ANKRD6: variants seen among roughly 807,000 people sequenced by gnomAD.
ANKRD6 encodes ankyrin repeat domain 6, also known as ankyrin repeat domain-containing protein 6.
Under a neutral mutation model 82.3 loss-of-function variants are expected in ANKRD6, and 56 were observed. The ratio of observed to expected loss-of-function variants is 0.68; its 90% CI spans 0.55 to 0.85. The LOEUF is 0.85. ANKRD6 is among the 40% of genes least tolerant of loss of function. ANKRD6 has a pLI of 0.00. For missense variants in ANKRD6, 852 were observed against 907.6 expected (o/e 0.94, Z 0.79); for synonymous variants, 347 against 352.1 (o/e 0.99, Z 0.16).
intron 14 of ANKRD6, 113 bp downstream of exon 14, chr6:89,627,809 CATT>C: frequency 1.3e-6 from 1 of 775,136 alleles, no homozygotes; most frequent in Non-Finnish European, 2.1e-6. Flanking sequence ...AGAGCTTTTA[CATT>C]ATATAGTGTA....
At chr6:89,477,143 A>G (rs910903303) in intron 1 of ANKRD6, among the ~76,000 whole-genome samples, 1 of 151,888 alleles carries the variant, frequency 6.6e-6, no homozygotes, top group African/African-American at 2.4e-5. Context: ...ACGGGGTTTC[A>G]CCGTATTAGC....
chr6:89,612,179 T>C (rs941311561), intron 5 of ANKRD6, 93 bp from the exon 6 acceptor site: 30 of 1,148,072 alleles, frequency 2.6e-5, no homozygotes, highest in Non-Finnish European at 3.7e-5. Flanking sequence ...CGTTGCCTTT[T>C]CCCCCGAGTA....
intron 1 of ANKRD6, among the ~76,000 whole-genome samples, chr6:89,485,409 T>C (rs911888868): frequency 3.9e-5 from 6 of 152,226 alleles, no homozygotes; most frequent in African/African-American, 1.4e-4. Flanking sequence ...AATACTGATA[T>C]GGCTCAAAAG....
At chr6:89,578,420 T>C (rs1248543694) in intron 2 of ANKRD6, among the ~76,000 whole-genome samples, 1 of 151,502 alleles carries the variant, frequency 6.6e-6, no homozygotes, top group South Asian at 2.1e-4. Flanking sequence ...CTCAGCCTCT[T>C]GAGTAGCTGG....
At chr6:89,567,834 C>T (rs1050580409) in intron 2 of ANKRD6, among the ~76,000 whole-genome samples, 5 of 152,096 alleles carry the variant, frequency 3.3e-5, no homozygotes, top group Admixed American at 2.0e-4. Flanking sequence ...GTCCAGGGTC[C>T]CTCAGCCGCT....
At chr6:89,627,882 C>T (rs1040341598) in intron 14 of ANKRD6, among the ~76,000 whole-genome samples, 186 bp downstream of exon 14, 29 of 152,142 alleles carry the variant, frequency 1.9e-4, no homozygotes, top group African/African-American at 6.8e-4. Context: ...TGTTTATGTC[C>T]GTGGCTGAAT....
intron 8 of ANKRD6, 62 bp downstream of exon 8, chr6:89,616,719 G>C (rs975042588): frequency 6.7e-7 from 1 of 1,496,706 alleles, no homozygotes; most frequent in Admixed American, 1.7e-5. Flanking sequence ...AATGGGATGT[G>C]TACTAAACCC....
At chr6:89,595,073 G>A (rs1218989653) in intron 2 of ANKRD6, among the ~76,000 whole-genome samples, 3 of 152,106 alleles carry the variant, frequency 2.0e-5, no homozygotes, top group Non-Finnish European at 4.4e-5. Context: ...TTTAAAAAGA[G>A]GAAGAACCGG....
At chr6:89,555,350 G>C (rs1426946087) in intron 1 of ANKRD6, among the ~76,000 whole-genome samples, 3 of 151,980 alleles carry the variant, frequency 2.0e-5, no homozygotes, top group Admixed American at 6.6e-5. Flanking sequence ...GTATTACAGT[G>C]AGATTTTAAA....
intron 9 of ANKRD6, among the ~76,000 whole-genome samples, chr6:89,620,737 A>G (rs577879943): frequency 6.4e-4 from 98 of 152,264 alleles, no homozygotes; most frequent in Non-Finnish European, 1.2e-3. Context: ...GTGAATCCCA[A>G]CGACTCCCCG....
chr6:89,612,132 C>A, intron 5 of ANKRD6, 140 bp from the exon 6 acceptor site: 1 of 656,364 alleles, frequency 1.5e-6, no homozygotes, highest in Non-Finnish European at 2.6e-6. Context: ...TGAAGCATCC[C>A]CACTGAAACC....
chr6:89,496,723 CA>C (rs1778671227), intron 1 of ANKRD6, among the ~76,000 whole-genome samples: 1 of 152,068 alleles, frequency 6.6e-6, no homozygotes, highest in Non-Finnish European at 1.5e-5. Flanking sequence ...GGGGTTTTGC[CA>C]TGTTGGCCAG....
At chr6:89,462,003 G>T (rs1774208791) in intron 1 of ANKRD6, among the ~76,000 whole-genome samples, 1 of 152,066 alleles carries the variant, frequency 6.6e-6, no homozygotes, top group Admixed American at 6.6e-5. Flanking sequence ...AGGCCAAGGT[G>T]GGCGGATCAC....
intron 1 of ANKRD6, among the ~76,000 whole-genome samples, chr6:89,556,567 T>A (rs1390822256): frequency 6.6e-6 from 1 of 152,252 alleles, no homozygotes; most frequent in East Asian, 1.9e-4. Flanking sequence ...CTTGTCCCAA[T>A]TTCTAAGTTT....
chr6:89,583,994 A>G (rs1326298522), intron 2 of ANKRD6, among the ~76,000 whole-genome samples: 1 of 152,252 alleles, frequency 6.6e-6, no homozygotes, highest in East Asian at 1.9e-4. Context: ...GCCTTAGCAG[A>G]TTGCACTTAA....
intron 1 of ANKRD6, among the ~76,000 whole-genome samples, chr6:89,522,519 C>T (rs1782007503): frequency 6.6e-6 from 1 of 152,048 alleles, no homozygotes; most frequent in South Asian, 2.1e-4. Context: ...GTGTGATGAC[C>T]CTTCTTGACA....
chr6:89,457,330 A>C (rs1402704744), intron 1 of ANKRD6, among the ~76,000 whole-genome samples: 1 of 152,218 alleles, frequency 6.6e-6, no homozygotes, highest in Non-Finnish European at 1.5e-5. Flanking sequence ...GGATTATTGG[A>C]AACTGTCTTG....
intron 1 of ANKRD6, among the ~76,000 whole-genome samples, chr6:89,435,171 G>A (rs1363607621): frequency 5.3e-5 from 8 of 152,160 alleles, no homozygotes; most frequent in African/African-American, 1.7e-4. Context: ...CCTCCTTCTT[G>A]TATAGAGATG....
chr6:89,455,072 G>A (rs750439455), intron 1 of ANKRD6, among the ~76,000 whole-genome samples: 2 of 151,538 alleles, frequency 1.3e-5, no homozygotes, highest in South Asian at 4.2e-4. Context: ...TCGAACTCTC[G>A]ATCTCAAGTG....
Sources: allele counts gnomAD v4.1 joint callset (sites outside exome capture counted in the v4.1 genomes callset), GRCh38; gene constraint gnomAD v4.1.1; transcripts MANE v1.5; gene names NCBI Gene and HGNC (gene_info 2026-07-23, HGNC 2026-07-21).